The following DYDC2 variants were observed in gnomAD, a reference collection of about 807,000 sequenced individuals.
DYDC2 encodes DPY30 domain-containing protein 2.
A neutral mutation model predicts 18.7 loss-of-function variants in DYDC2; 19 were observed. The observed-to-expected ratio is 1.02, with a 90% CI of 0.71 to 1.49. The LOEUF (loss-of-function observed/expected upper bound fraction) is 1.49, where lower values mean the gene tolerates loss of function less well. Ranked by LOEUF, DYDC2 falls within the 40% of genes most tolerant of loss-of-function variation. The pLI is 0.00. For synonymous variants in DYDC2, 63 were observed against 67.6 expected (o/e 0.93, Z 0.34); for missense variants, 179 against 205.1 (o/e 0.87, Z 0.78).
chr10:80,366,182 G>A (rs544612937), intron 4 of DYDC2, among the ~76,000 whole-genome samples: 10 of 151,636 alleles, frequency 6.6e-5, no homozygotes, highest in South Asian at 2.1e-4. Context: ...ACAGGCGCCC[G>A]CCACCACACC....
intron 3 of DYDC2, 77 bp downstream of exon 3, chr10:80,362,667 T>C (rs1375631140): frequency 9.2e-6 from 14 of 1,522,924 alleles, no homozygotes; most frequent in African/African-American, 1.4e-5. Context: ...AAGGCAGGAT[T>C]CTGGAGCTGG....
chr10:80,358,488 AAC>A (rs1843529823), intron 2 of DYDC2, among the ~76,000 whole-genome samples: 1 of 152,220 alleles, frequency 6.6e-6, no homozygotes, highest in Admixed American at 6.5e-5. Context: ...CTGTTGGGCA[AAC>A]ACATTTCCTT....
chr10:80,353,656 C>T (rs924744825), upstream of DYDC2, among the ~76,000 whole-genome samples: 1 of 150,544 alleles, frequency 6.6e-6, no homozygotes, highest in Non-Finnish European at 1.5e-5. Flanking sequence ...TCGAGACCAT[C>T]CTGGCTAACG....
Position 80,366,810 on chromosome 10 carries a change from A to G in DYDC2, c.393A>G (p.Gly131=), listed in dbSNP as rs140676693. ...CAGGTACTTCCAGTCTGATTCCAGG[A>G]ATGCCTCAACAGGTTCCTCCTTCAG... ...FLPGTSSLIP[G]MPQQVPPSES... The change falls in exon 5 of 5, where the codon GGA becomes GGG. Residue 131 remains glycine (G), a synonymous_variant. Coordinates refer to ENST00000256039, the MANE Select transcript of DYDC2 (RefSeq NM_032372.6). 5 of 1,614,232 alleles carry G rather than the reference A, an allele frequency of 3.1e-6. No homozygotes were observed. In the African/African-American group the frequency reaches 5.3e-5, roughly 17 times the overall value.
chr10:80,364,072 T>C (rs545155476), intron 4 of DYDC2, among the ~76,000 whole-genome samples: 101 of 152,358 alleles, frequency 6.6e-4, no homozygotes, highest in Admixed American at 1.3e-3. Context: ...GACATCTTTT[T>C]AGCTATGACT....
chr10:80,362,835 G>A (rs1589533973), intron 3 of DYDC2, 116 bp from the exon 4 acceptor site: 1 of 1,397,376 alleles, frequency 7.2e-7, no homozygotes, highest in Non-Finnish European at 9.7e-7. Flanking sequence ...CTAGTTACAA[G>A]AGGAAACTCA....
At chr10:80,359,464 C>T (rs1281399045) in intron 2 of DYDC2, among the ~76,000 whole-genome samples, 8 of 152,202 alleles carry the variant, frequency 5.3e-5, no homozygotes, top group Non-Finnish European at 2.9e-5. Flanking sequence ...GGGCTGCAGG[C>T]GGAGCTGCCT....
chr10:80,362,566 GA>G lies in DYDC2; in HGVS notation c.127del (p.Thr43GlnfsTer28). ...TGGCTCACTGGCTTTATCATTACAG[GA>G]AAACAGCAAAAGCAAAAGAAGAGGT... ...YLAHWLYHYR[K>X]TAKAKEENRE... On this transcript the variant is annotated frameshift_variant, in exon 3 of 5. Coordinates refer to ENST00000256039, the MANE Select transcript of DYDC2 (RefSeq NM_032372.6). LOFTEE classifies it high-confidence loss of function. 1 of 1,612,094 alleles carries G rather than the reference GA, an allele frequency of 6.2e-7. No individual in the cohort carries two copies. Among genetic ancestry groups the G allele is most frequent in the Non-Finnish European group, 8.5e-7 (1 of 1,178,488 alleles).
chr10:80,362,661 C>A, intron 3 of DYDC2, 71 bp downstream of exon 3: 3 of 1,530,550 alleles, frequency 2.0e-6, no homozygotes, highest in Non-Finnish European at 2.6e-6. Flanking sequence ...AGACACAAGG[C>A]AGGATTCTGG....
At chr10:80,352,478 C>T (rs1347785749), upstream of DYDC2, 10 of 1,609,644 alleles carry the variant, frequency 6.2e-6, no homozygotes, top group South Asian at 1.0e-4. Context: ...GTCACATTTT[C>T]CTTATACTTG....
chr10:80,359,572 G>A (rs373805108), intron 2 of DYDC2, among the ~76,000 whole-genome samples: 6 of 152,170 alleles, frequency 3.9e-5, no homozygotes, highest in Non-Finnish European at 5.9e-5. Context: ...GGGAGGCTCC[G>A]ACAGCACAGG....
intron 4 of DYDC2, 99 bp from the exon 5 acceptor site, chr10:80,366,589 A>G (rs1843843780): frequency 7.1e-7 from 1 of 1,404,920 alleles, no homozygotes; most frequent in South Asian, 1.4e-5. Context: ...TTTGGTTCTT[A>G]GTCTCTGGCA....
At chr10:80,355,820 A>C (rs1843329982), upstream of DYDC2, among the ~76,000 whole-genome samples, 2 of 152,192 alleles carry the variant, frequency 1.3e-5, no homozygotes, top group Non-Finnish European at 2.9e-5. Flanking sequence ...ACTGGCACAA[A>C]TGAACCTAAT....
chr10:80,348,954 C>T (rs1465412869), intron 1 of DYDC2, among the ~76,000 whole-genome samples: 2 of 152,082 alleles, frequency 1.3e-5, no homozygotes, highest in African/African-American at 4.8e-5. Flanking sequence ...TGCAGTGGCG[C>T]GATCTCGGCT....
chr10:80,362,605 T>C lies in DYDC2; in HGVS notation c.147+15T>C. On this transcript the variant is annotated intron_variant, in intron 3 of 4. Transcript: ENST00000256039. ...CAAAAGAAGAGGTGTGTATGTGCAC[T>C]GGGACTTAGGGAGGGCCCAGCTTTC... is the stretch of plus-strand genomic sequence containing the variant. 1 of 1,591,824 alleles carries C rather than the reference T, an allele frequency of 6.3e-7. No individual in the cohort carries two copies. Among genetic ancestry groups the C allele is most frequent in the Non-Finnish European group, 8.6e-7 (1 of 1,164,010 alleles).
chr10:80,349,004 C>T (rs2132813439), intron 1 of DYDC2, among the ~76,000 whole-genome samples: 1 of 152,234 alleles, frequency 6.6e-6, no homozygotes, highest in East Asian at 1.9e-4. Flanking sequence ...CCATTCTTCC[C>T]CCTCAGTCTC....
chr10:80,363,917 C>T (rs1843745955), intron 4 of DYDC2, among the ~76,000 whole-genome samples: 1 of 152,180 alleles, frequency 6.6e-6, no homozygotes, highest in Non-Finnish European at 1.5e-5. Flanking sequence ...ACTCTGCATT[C>T]GTCAGTCTGA....
chr10:80,358,104 C>T (rs879343930), intron 2 of DYDC2, 59 bp downstream of exon 2: 12 of 975,760 alleles, frequency 1.2e-5, no homozygotes, highest in East Asian at 2.3e-4. Context: ...TGGCCAGGCG[C>T]GGTGGCTCAC....
chr10:80,361,783 T>G (rs1843668222), intron 2 of DYDC2, among the ~76,000 whole-genome samples: 2 of 152,224 alleles, frequency 1.3e-5, no homozygotes, highest in African/African-American at 4.8e-5. Flanking sequence ...AGCTGGCTTC[T>G]CTGTCCCCAA....
Sources: gnomAD v4.1 joint callset for allele counts (sites outside exome capture counted in the v4.1 genomes callset) on GRCh38, gnomAD v4.1.1 for gene constraint, MANE v1.5 for transcripts, NCBI Gene and HGNC (gene_info 2026-07-23, HGNC 2026-07-21) for gene names.